The following PAH variants were observed in gnomAD, a reference collection of about 807,000 sequenced individuals.
PAH encodes phenylalanine hydroxylase, also known as phenylalanine-4-hydroxylase.
Under a neutral mutation model 62.0 loss-of-function variants are expected in PAH, and 64 were observed. The observed-to-expected ratio is 1.03, with a 90% CI of 0.84 to 1.27. The LOEUF (loss-of-function observed/expected upper bound fraction) is 1.27, where lower values mean the gene tolerates loss of function less well. Among genes scored for constraint, PAH ranks in the 50% most tolerant of loss-of-function variants. PAH has a pLI of 0.00. For synonymous variants in PAH, 195 were observed against 196.2 expected (o/e 0.99, Z 0.05); for missense variants, 579 against 542.8 (o/e 1.07, Z -0.66).
chr12:102,908,416 A>G (rs896980937), intron 2 of PAH, among the ~76,000 whole-genome samples: 6 of 152,220 alleles, frequency 3.9e-5, no homozygotes, highest in Non-Finnish European at 8.8e-5. Flanking sequence ...ATCTAATATA[A>G]AAGCTAAAAA....
chr12:102,916,275 T>C (rs1422311214), intron 1 of PAH, among the ~76,000 whole-genome samples: 4 of 152,178 alleles, frequency 2.6e-5, no homozygotes, highest in Non-Finnish European at 5.9e-5. Context: ...TTCTCCCTAA[T>C]CCTACTGATG....
chr12:102,944,528 A>G (rs936866159), intron 1 of PAH, among the ~76,000 whole-genome samples: 7 of 152,200 alleles, frequency 4.6e-5, no homozygotes, highest in Non-Finnish European at 5.9e-5. Context: ...TTCGTCAATT[A>G]TCTTATGACT....
intron 2 of PAH, among the ~76,000 whole-genome samples, chr12:102,895,863 A>ATAT (rs1555208112): frequency 7.5e-5 from 10 of 133,630 alleles, no homozygotes; most frequent in African/African-American, 2.7e-4. Context: ...TCAAAAAAAA[A>ATAT]AAAAAAATAT....
At chr12:102,950,226 C>G (rs931399386) in intron 1 of PAH, 2 of 152,284 alleles carry the variant, frequency 1.3e-5, no homozygotes, top group African/African-American at 4.8e-5. Context: ...TCCTCTTCCT[C>G]TCAAAAGGCC....
intron 5 of PAH, among the ~76,000 whole-genome samples, chr12:102,856,222 T>C (rs1414475747): frequency 6.6e-6 from 1 of 152,198 alleles, no homozygotes; most frequent in Non-Finnish European, 1.5e-5. Flanking sequence ...CCAGGCCGCA[T>C]AGATCCTGAA....
chr12:102,883,633 G>C (rs532541226), intron 3 of PAH, among the ~76,000 whole-genome samples: 2 of 152,286 alleles, frequency 1.3e-5, no homozygotes, highest in East Asian at 1.9e-4. Flanking sequence ...CCAGACCTCT[G>C]AGCTCTGCAC....
chr12:102,910,666 A>G (rs1878170808), intron 2 of PAH, among the ~76,000 whole-genome samples: 1 of 152,126 alleles, frequency 6.6e-6, no homozygotes, highest in African/African-American at 2.4e-5. Flanking sequence ...TGAAATTCTT[A>G]ATAACGACTT....
In PAH at chr12:102,882,655, TATATATATATATATATATATAA is replaced by T. The variant is rs1439815261; in HGVS notation, c.353-5127_353-5106del. Among the ~76,000 whole-genome samples the T allele has an allele frequency of 3.2e-3, 190 of 59,240 alleles. 1 individual carries two copies. Among genetic ancestry groups the T allele is most frequent in the Admixed American group, 0.011 (51 of 4,728 alleles). The allele number at this position is 59,240 out of a possible 152,430, so 38.9% of individuals were successfully genotyped here. ...CATATATATACACTATATATATATA[TATATATATATATATATATATAA>T]AATTTTTTTCTACTGTATCCTTAGC... is the stretch of plus-strand genomic sequence containing the variant. On this transcript the variant is annotated intron_variant, in intron 3 of 12. Coordinates refer to ENST00000553106, the MANE Select transcript of PAH (RefSeq NM_000277.3).
chr12:102,868,512 A>T (rs1876162116), intron 4 of PAH, among the ~76,000 whole-genome samples: 1 of 152,044 alleles, frequency 6.6e-6, no homozygotes, highest in African/African-American at 2.4e-5. Context: ...TGACACGGTT[A>T]TTGCAAAGTA....
At chr12:102,846,871 C>T (rs759820282) in intron 9 of PAH, 24 bp downstream of exon 9, 2 of 1,603,732 alleles carry the variant, frequency 1.2e-6, no homozygotes, top group South Asian at 2.2e-5. Context: ...CTCCACCATC[C>T]ACCCAGGGAG....
intron 6 of PAH, chr12:102,854,833 A>AC (rs1451123513): frequency 1.3e-4 from 57 of 425,114 alleles, no homozygotes; most frequent in Non-Finnish European, 2.0e-4. Context: ...ACAAAACAAA[A>AC]AAAAACCTCA....
upstream of PAH, chr12:102,917,286 C>A (rs1215899037): frequency 1.4e-6 from 1 of 708,576 alleles, no homozygotes; most frequent in Non-Finnish European, 2.5e-6. Flanking sequence ...CGCACAGTAA[C>A]GCCCCTCGTG....
chr12:102,878,292 G>A (rs931466487), intron 3 of PAH, among the ~76,000 whole-genome samples: 12 of 152,318 alleles, frequency 7.9e-5, no homozygotes, highest in African/African-American at 2.2e-4. Flanking sequence ...TTAGAAAGCC[G>A]TTGTTGAAGC....
At chr12:102,853,237 C>T (rs768337881) in intron 6 of PAH, 1 of 435,338 alleles carries the variant, frequency 2.3e-6, no homozygotes, top group African/African-American at 2.0e-5. Flanking sequence ...GTACTTAGCA[C>T]AGAGCCTAGC....
intron 1 of PAH, among the ~76,000 whole-genome samples, chr12:102,926,212 A>G (rs1242972119): frequency 1.3e-5 from 2 of 152,110 alleles, no homozygotes; most frequent in African/African-American, 4.8e-5. Flanking sequence ...GTAAGAGACT[A>G]TATGGGGGAT....
At chr12:102,879,038 G>A (rs757078455) in intron 3 of PAH, among the ~76,000 whole-genome samples, 76 of 152,116 alleles carry the variant, frequency 5.0e-4, no homozygotes, top group Non-Finnish European at 9.6e-4. Flanking sequence ...AGGGGAAGAT[G>A]CTGAACTTCC....
chr12:102,910,312 C>T (rs1878150607), intron 2 of PAH, among the ~76,000 whole-genome samples: 1 of 151,814 alleles, frequency 6.6e-6, no homozygotes, highest in Non-Finnish European at 1.5e-5. Flanking sequence ...TATGCAACCA[C>T]TGTCATACCA....
intron 1 of PAH, among the ~76,000 whole-genome samples, chr12:102,916,203 AT>A (rs1878376219): frequency 1.3e-5 from 2 of 152,122 alleles, no homozygotes; most frequent in Admixed American, 6.5e-5. Flanking sequence ...CTTTCTAGTT[AT>A]ATTAACGTTA....
At chr12:102,917,588 C>G (rs1207657521), upstream of PAH, 1 of 226,444 alleles carries the variant, frequency 4.4e-6, no homozygotes, top group African/African-American at 2.3e-5. Context: ...TAATCCGCCC[C>G]CCTTACCCCC....
Sources: gnomAD v4.1 joint callset for allele counts (sites outside exome capture counted in the v4.1 genomes callset) on GRCh38, gnomAD v4.1.1 for gene constraint, MANE v1.5 for transcripts, NCBI Gene and HGNC (gene_info 2026-07-23, HGNC 2026-07-21) for gene names.